Variants in SNX25 observed in about 807,000 individuals in gnomAD.
SNX25 encodes the protein sorting nexin-25.
In SNX25, 62 loss-of-function variants were observed where a neutral mutation model predicts 113.7. The observed-to-expected ratio is 0.55, with a 90% CI of 0.44 to 0.67. The LOEUF (loss-of-function observed/expected upper bound fraction) is 0.67, where lower values mean the gene tolerates loss of function less well. SNX25 is among the 30% of genes least tolerant of loss of function. The pLI is 0.00. For synonymous variants in SNX25, 421 were observed against 436.2 expected (o/e 0.97, Z 0.43); for missense variants, 1,014 against 1,161.0 (o/e 0.87, Z 1.84).
the SNX25 span, chr4:185,375,719 T>C: frequency 6.3e-7 from 1 of 1,596,094 alleles, no homozygotes; most frequent in Non-Finnish European, 8.6e-7. Flanking sequence ...TGCTTCTTCA[T>C]ACCATCCCTA....
At chr4:185,299,855 G>A (rs1753383972) in intron 6 of SNX25, among the ~76,000 whole-genome samples, 1 of 152,140 alleles carries the variant, frequency 6.6e-6, no homozygotes, top group Non-Finnish European at 1.5e-5. Context: ...CAAGAGTCAT[G>A]TTCATTCAGC....
At chr4:185,255,141 T>G (rs1746220733) in intron 2 of SNX25, among the ~76,000 whole-genome samples, 1 of 147,920 alleles carries the variant, frequency 6.8e-6, no homozygotes, top group East Asian at 2.0e-4. Context: ...TTCTTCTTTA[T>G]TTTTTTTTTT....
At chr4:185,362,419 A>G in intron 17 of SNX25, 192 bp from the exon 18 acceptor site, 1 of 916,322 alleles carries the variant, frequency 1.1e-6, no homozygotes, top group Non-Finnish European at 1.3e-6. Flanking sequence ...AAATATTAAA[A>G]TTGTAATTTG....
At chr4:185,362,867 A>AGTTT (rs1466883473) in intron 18 of SNX25, among the ~76,000 whole-genome samples, 156 bp downstream of exon 18, 1 of 120,288 alleles carries the variant, frequency 8.3e-6, no homozygotes, top group African/African-American at 3.3e-5. Flanking sequence ...TTTGAGACAG[A>AGTTT]GTTTCGCTCT....
intron 5 of SNX25, among the ~76,000 whole-genome samples, chr4:185,283,320 AGGAATGGCCATGCAT>A (rs1416336215): frequency 6.6e-6 from 1 of 152,210 alleles, no homozygotes; most frequent in Non-Finnish European, 1.5e-5. Context: ...AGCTTCAGAG[AGGAATGGCCATGCAT>A]GGAGTGTTTA....
intron 5 of SNX25, among the ~76,000 whole-genome samples, chr4:185,276,815 C>T (rs1055353274): frequency 2.0e-5 from 3 of 152,160 alleles, no homozygotes; most frequent in East Asian, 1.9e-4. Flanking sequence ...CTGCTGGCTG[C>T]CCTTGGAGGC....
At chr4:185,239,814 G>C (rs1233905701) in intron 1 of SNX25, among the ~76,000 whole-genome samples, 1 of 131,528 alleles carries the variant, frequency 7.6e-6, no homozygotes, top group Non-Finnish European at 1.6e-5. Context: ...GGTGTTTCTC[G>C]CAGAGGGGGA....
chr4:185,233,448 C>T (rs1742150793), intron 1 of SNX25, among the ~76,000 whole-genome samples: 1 of 152,086 alleles, frequency 6.6e-6, no homozygotes, highest in Admixed American at 6.5e-5. Context: ...TCATAGAAAC[C>T]TATGATTTCC....
chr4:185,210,098 T>G lies in SNX25; in HGVS notation c.272T>G (p.Leu91Arg). 11 of 984,144 alleles carry G rather than the reference T, an allele frequency of 1.1e-5. No individual in the cohort carries two copies. The highest frequency in any genetic ancestry group is 4.7e-5 in the South Asian group (1 of 21,298). 61.0% of individuals were successfully genotyped at this position (984,144 alleles called of 1,614,324 possible). ...AAGAAGLSSV[L>R]FRLSLYLSCA... ...GGGGCCGCGGGGCTGAGCTCCGTCC[T>G]GTTCAGGCTCAGCCTGTACCTGAGC... The change falls in exon 1 of 19, where the codon CTG becomes CGG. Residue 91 changes from leucine to arginine, a missense_variant. Leu to Arg is a moderately radical substitution (Grantham distance 102, BLOSUM62 -2). Transcript: ENST00000652585. This position sits in a 1 kb window ranked among gnomAD's most constrained non-coding sequence, Gnocchi z 4.4.
At chr4:185,281,889 A>T (rs1249421607) in intron 5 of SNX25, among the ~76,000 whole-genome samples, 2 of 152,060 alleles carry the variant, frequency 1.3e-5, no homozygotes, top group East Asian at 3.9e-4. Context: ...GGTCGTGCGC[A>T]CCTGTAATCC....
intron 4 of SNX25, among the ~76,000 whole-genome samples, chr4:185,265,766 G>A (rs1747992664): frequency 6.6e-6 from 1 of 152,010 alleles, no homozygotes; most frequent in East Asian, 1.9e-4. Context: ...ATAATTGTAT[G>A]TGCTGTATTT....
intron 6 of SNX25, among the ~76,000 whole-genome samples, chr4:185,306,135 A>T (rs894667637): frequency 6.6e-6 from 1 of 152,202 alleles, no homozygotes; most frequent in Non-Finnish European, 1.5e-5. Flanking sequence ...CTTGATGTGA[A>T]TATTTCTTGG....
intron 7 of SNX25, among the ~76,000 whole-genome samples, chr4:185,319,109 T>A (rs568495346): frequency 9.3e-5 from 14 of 150,256 alleles, no homozygotes; most frequent in East Asian, 7.8e-4. Flanking sequence ...TATTTTTTTT[T>A]TTTTAAAGGA....
intron 5 of SNX25, among the ~76,000 whole-genome samples, chr4:185,281,595 A>G (rs1173581017): frequency 1.3e-5 from 2 of 152,192 alleles, no homozygotes; most frequent in African/African-American, 4.8e-5. Context: ...TAGTAGTGCC[A>G]TGGATGGGAA....
At chr4:185,359,429 C>G (rs1033961644) in intron 16 of SNX25, among the ~76,000 whole-genome samples, 1 of 151,948 alleles carries the variant, frequency 6.6e-6, no homozygotes, top group East Asian at 1.9e-4. Flanking sequence ...GAAAAAATGG[C>G]CTGTTTAATT....
intron 5 of SNX25, among the ~76,000 whole-genome samples, chr4:185,287,455 G>A (rs576523030): frequency 3.7e-4 from 57 of 152,316 alleles, no homozygotes; most frequent in African/African-American, 1.2e-3. Flanking sequence ...AGGGGAGAGG[G>A]CAGTTCTGAG....
rs1457677044 is a variant in SNX25 at position 185,210,860 on chromosome 4, A to G, written c.429+605A>G. Among the ~76,000 whole-genome samples the G allele has an allele frequency of 1.3e-5, 2 of 152,114 alleles. No individual in the cohort carries two copies. The highest frequency in any genetic ancestry group is 2.1e-4 in the South Asian group (1 of 4,816). ...TGCCAGAAATCACTGGTTTGCAACA[A>G]AAGGAAAGCCATCCTCAGCGCGCTG... On this transcript the variant is annotated intron_variant, in intron 1 of 18. Coordinates refer to ENST00000652585, the MANE Select transcript of SNX25 (RefSeq NM_001378034.2). This position sits in a 1 kb window ranked among gnomAD's most constrained non-coding sequence, Gnocchi z 4.4.
chr4:185,205,412 C>T (rs941608867), upstream of SNX25, among the ~76,000 whole-genome samples: 1 of 151,518 alleles, frequency 6.6e-6, no homozygotes, highest in African/African-American at 2.4e-5. Context: ...CGAGATCGTG[C>T]CACTGCACTC....
Position 185,229,040 on chromosome 4 carries a change from A to G in SNX25, c.430-18254A>G, listed in dbSNP as rs147268640. ...CAGCATCGCAAAGGTACGTGGGCTG[A>G]GTGCTGAGGAGTTAAGGGCCAAGAT... On this transcript the variant is annotated intron_variant, in intron 1 of 18. Coordinates refer to ENST00000652585, the MANE Select transcript of SNX25 (RefSeq NM_001378034.2). Among the ~76,000 whole-genome samples the G allele has an allele frequency of 8.0e-4, 122 of 152,252 alleles. 2 individuals carry two copies. The highest frequency in any genetic ancestry group is 3.4e-3 in the Middle Eastern group (1 of 294).
Sources: allele counts gnomAD v4.1 joint callset (sites outside exome capture counted in the v4.1 genomes callset), GRCh38; gene constraint gnomAD v4.1.1; non-coding constraint Gnocchi (gnomAD v3.1); transcripts MANE v1.5; gene names NCBI Gene and HGNC (gene_info 2026-07-23, HGNC 2026-07-21).